Variants in FSTL4 observed in about 807,000 individuals in gnomAD.
The protein encoded by FSTL4 is follistatin-related protein 4.
Under a neutral mutation model 78.2 loss-of-function variants are expected in FSTL4, and 28 were observed. The ratio of observed to expected loss-of-function variants is 0.36; its 90% confidence interval spans 0.27 to 0.49. The LOEUF (loss-of-function observed/expected upper bound fraction) is 0.49. FSTL4 is among the 20% of genes least tolerant of loss of function. FSTL4 has a pLI of 0.98. For synonymous variants in FSTL4, 422 were observed against 440.5 expected, an observed-to-expected ratio of 0.96 and a Z score of 0.53; for missense variants, 922 against 1,084.9, an observed-to-expected ratio of 0.85 and a Z score of 2.11.
At chr5:133,210,725 A>G in intron 13 of FSTL4, 1 of 152,860 alleles carries the variant, frequency 6.5e-6, no homozygotes, top group East Asian at 1.9e-4. Flanking sequence ...TCCCGACCTC[A>G]GGTGATCCGC....
At chr5:133,754,349 G>A in the FSTL4 span, among the ~76,000 whole-genome samples, 1 of 152,044 alleles carries the variant, frequency 6.6e-6, no homozygotes, top group Non-Finnish European at 1.5e-5. Context: ...CTTTGTTAGA[G>A]CTAAAAGATA....
chr5:133,703,787 A>C, the FSTL4 span, among the ~76,000 whole-genome samples: 1 of 152,158 alleles, frequency 6.6e-6, no homozygotes, highest in Non-Finnish European at 1.5e-5. Context: ...AGGCCCCTGA[A>C]CTGCAAAGCC....
At chr5:133,467,144 GTGTA>G (rs1757729759) in intron 3 of FSTL4, among the ~76,000 whole-genome samples, 1 of 152,024 alleles carries the variant, frequency 6.6e-6, no homozygotes, top group South Asian at 2.1e-4. Context: ...GTGTGTATAT[GTGTA>G]TGTGTGTGAG....
At chr5:133,224,393 G>C (rs1360967081) in intron 10 of FSTL4, 177 bp from the exon 11 acceptor site, 1 of 513,050 alleles carries the variant, frequency 1.9e-6, no homozygotes, top group Non-Finnish European at 3.5e-6. Flanking sequence ...GGAAGCTCTG[G>C]ACATGAACAA....
chr5:133,214,734 T>A (rs1239943494), intron 13 of FSTL4, among the ~76,000 whole-genome samples: 1 of 152,148 alleles, frequency 6.6e-6, no homozygotes, highest in Non-Finnish European at 1.5e-5. Context: ...TGATTTTATC[T>A]GGGGCTAGAT....
rs1753381866 is a variant in FSTL4 at position 133,295,816 on chromosome 5, CT to C, written c.727+16837del. ...CACTCTGGCATCTTCCTCTCATTCT[CT>C]TTTGGGGCTCCCACTCCTCTTCCTG... On this transcript the variant is annotated intron_variant, in intron 6 of 15. Transcript: ENST00000265342. 1.3e-5 allele frequency among the ~76,000 whole-genome samples: 2 copies of C among 152,188 alleles called. 1 individual carries two copies. Among genetic ancestry groups the C allele is most frequent in the South Asian group, 4.1e-4 (2 of 4,834 alleles).
At chr5:133,701,491 A>ACG in the FSTL4 span, among the ~76,000 whole-genome samples, 3 of 128,622 alleles carry the variant, frequency 2.3e-5, no homozygotes, top group African/African-American at 9.5e-5. Flanking sequence ...ACACACACAC[A>ACG]CACACACACA....
the FSTL4 span, chr5:133,720,907 T>C: frequency 1.3e-5 from 2 of 152,232 alleles, no homozygotes; most frequent in African/African-American, 4.8e-5. Flanking sequence ...CTATACCAAT[T>C]ATTTTTTGGC....
At chr5:133,307,784 T>A (rs1245149434) in intron 6 of FSTL4, among the ~76,000 whole-genome samples, 2 of 35,746 alleles carry the variant, frequency 5.6e-5, no homozygotes, top group Non-Finnish European at 1.9e-4. Context: ...CCCAATTTTC[T>A]TTTTTTTTTT....
At chr5:133,636,411 G>T in the FSTL4 span, among the ~76,000 whole-genome samples, 1 of 150,562 alleles carries the variant, frequency 6.6e-6, no homozygotes, top group Non-Finnish European at 1.5e-5. Context: ...CATAGGCAGG[G>T]TCTTTTACAT....
In FSTL4 at chr5:133,261,856, G is replaced by A. The variant is rs547337742; in HGVS notation, c.728-12280C>T. Among the ~76,000 whole-genome samples the A allele has an allele frequency of 2.0e-5, 3 of 152,242 alleles. No individual in the cohort carries two copies. In the East Asian group the frequency reaches 5.8e-4, roughly 29 times the overall value. ...AAATACAAATAATTAGCCGGGCATG[G>A]TGGTGTGTGCCTGTAGTCCCAGCTA... On this transcript the variant is annotated intron_variant, in intron 6 of 15. Coordinates refer to ENST00000265342, the MANE Select transcript of FSTL4 (RefSeq NM_015082.2).
At chr5:133,562,032 G>T (rs1343181503) in intron 3 of FSTL4, among the ~76,000 whole-genome samples, 1 of 152,148 alleles carries the variant, frequency 6.6e-6, no homozygotes, top group Non-Finnish European at 1.5e-5. Context: ...GACTGTAGAA[G>T]AACACTCAGT....
chr5:133,770,594 G>C, the FSTL4 span, among the ~76,000 whole-genome samples: 2 of 152,192 alleles, frequency 1.3e-5, no homozygotes, highest in African/African-American at 4.8e-5. Context: ...AGTTGTTTGA[G>C]TGCCTTACAG....
chr5:133,523,892 A>G (rs1181189013), intron 3 of FSTL4, among the ~76,000 whole-genome samples: 1 of 152,276 alleles, frequency 6.6e-6, no homozygotes, highest in African/African-American at 2.4e-5. Flanking sequence ...CTGTACAGAC[A>G]TTAAACAATA....
rs115221870 is a variant in FSTL4 at position 133,606,165 on chromosome 5, C to T, written c.-10-2172G>A. On this transcript the variant is annotated intron_variant, in intron 1 of 15. Transcript: ENST00000265342. The stretch of plus-strand genomic sequence containing the variant: ...GATGGAGTTTCACTCTTGTAGCCTG[C>T]GCTGGAGTTCAATGGTGCGATCTCG... 4.4e-3 allele frequency among the ~76,000 whole-genome samples: 669 copies of T among 152,298 alleles called. 2 individuals are homozygous for T. Among genetic ancestry groups the T allele is most frequent in the Non-Finnish European group, 6.2e-3 (424 of 68,022 alleles).
At chr5:133,347,303 T>C (rs1329035722) in intron 4 of FSTL4, among the ~76,000 whole-genome samples, 3 of 152,168 alleles carry the variant, frequency 2.0e-5, no homozygotes, top group Non-Finnish European at 2.9e-5. Flanking sequence ...GTATGCTCCC[T>C]GGGCAGCGTA....
At chr5:133,770,055 A>T in the FSTL4 span, among the ~76,000 whole-genome samples, 1 of 151,984 alleles carries the variant, frequency 6.6e-6, no homozygotes, top group Admixed American at 6.6e-5. Flanking sequence ...ATGGCTGAGT[A>T]GTATTCCGTG....
At chr5:133,304,845 GT>G (rs910629186) in intron 6 of FSTL4, among the ~76,000 whole-genome samples, 15 of 152,204 alleles carry the variant, frequency 9.9e-5, no homozygotes, top group African/African-American at 3.6e-4. Flanking sequence ...GACAGAGATT[GT>G]TCCACCCAGA....
At chr5:133,293,051 C>T (rs1753304035) in intron 6 of FSTL4, among the ~76,000 whole-genome samples, 1 of 152,234 alleles carries the variant, frequency 6.6e-6, no homozygotes, top group African/African-American at 2.4e-5. Flanking sequence ...TCTGTGGGGC[C>T]AGGCTATGGA....
Sources: gnomAD v4.1 joint callset for allele counts (sites outside exome capture counted in the v4.1 genomes callset) on GRCh38, gnomAD v4.1.1 for gene constraint, MANE v1.5 for transcripts, NCBI Gene and HGNC (gene_info 2026-07-23, HGNC 2026-07-21) for gene names.